SIAH3: variants seen among roughly 807,000 people sequenced by gnomAD.
SIAH3 encodes the protein siah E3 ubiquitin protein ligase family member 3, also known as seven in absentia homolog 3.
SIAH3 carries 9 observed loss-of-function variants against 12.6 expected under a neutral mutation model. That is an observed-to-expected ratio of 0.72 (90% CI 0.43 to 1.25). SIAH3 has a LOEUF of 1.25. Ranked by LOEUF, SIAH3 falls within the 50% of genes most tolerant of loss-of-function variation. The pLI is 0.00. For missense variants in SIAH3, 390 were observed against 365.4 expected, an observed-to-expected ratio of 1.07 and a Z score of -0.55; for synonymous variants, 154 against 151.1, an observed-to-expected ratio of 1.02 and a Z score of -0.14.
At chr13:45,784,128 T>C in intron 1 of SIAH3, 71 bp from the exon 2 acceptor site, 1 of 1,412,642 alleles carries the variant, frequency 7.1e-7, no homozygotes, top group Non-Finnish European at 9.6e-7. Flanking sequence ...CCCCTGATGT[T>C]CAAAGTGTTA....
chr13:45,825,906 A>C (rs1037681862), intron 1 of SIAH3, among the ~76,000 whole-genome samples: 8 of 152,064 alleles, frequency 5.3e-5, no homozygotes, highest in African/African-American at 1.9e-4. Flanking sequence ...TCCCCTGACC[A>C]TGAAGACCAA....
intron 1 of SIAH3, among the ~76,000 whole-genome samples, chr13:45,789,410 A>ATCTATCTATCTG (rs1846215272): frequency 2.8e-5 from 4 of 142,650 alleles, no homozygotes; most frequent in African/African-American, 1.0e-4. Flanking sequence ...CTATCTATCT[A>ATCTATCTATCTG]TCTATCTATA....
intron 1 of SIAH3, among the ~76,000 whole-genome samples, chr13:45,829,540 TC>T (rs1950691066): frequency 6.6e-6 from 1 of 152,102 alleles, no homozygotes; most frequent in African/African-American, 2.4e-5. Context: ...GCCCAAAAGG[TC>T]AAGGCTGCAG....
rs1458040044 is a variant in SIAH3, at chr13:45,781,483, C to G, written c.*1900G>C. The G allele has an allele frequency of 6.6e-6, 1 of 152,220 alleles. No homozygotes were observed. Among genetic ancestry groups the G allele is most frequent in the Non-Finnish European group, 1.5e-5 (1 of 68,064 alleles). The allele number at this position is 152,220 out of a possible 1,614,324, so 9.4% of individuals were successfully genotyped here. A position where few individuals can be genotyped will look rare whatever the true frequency, so the allele number is the denominator to read the frequency against. On this transcript the variant is annotated 3_prime_UTR_variant, in exon 2 of 2. Coordinates refer to ENST00000400405, the MANE Select transcript of SIAH3 (RefSeq NM_198849.3). ...CATCTGTGTGATTGGAGGAGGGTGGCTGGTGCCCTGGCAGGGCATCTGAGA... is the reference window on the plus strand; with the variant it reads ...CATCTGTGTGATTGGAGGAGGGTGGGTGGTGCCCTGGCAGGGCATCTGAGA...
intron 1 of SIAH3, among the ~76,000 whole-genome samples, chr13:45,801,095 C>CA (rs143126909): frequency 2.6e-5 from 3 of 114,192 alleles, no homozygotes; most frequent in Admixed American, 2.5e-4. Flanking sequence ...TGATGGGTGG[C>CA]GGGGGGGGGC....
rs1261218129 is a variant in SIAH3, at chr13:45,777,803, A to G, written c.*5580T>C. ...CATGATCCCTTCCCCTTTCCCTTAG[A>G]AATGCATCCAAGTAGAAACTTCAGC... On this transcript the variant is annotated 3_prime_UTR_variant, in exon 2 of 2. Coordinates refer to ENST00000400405, the MANE Select transcript of SIAH3 (RefSeq NM_198849.3). The G allele has an allele frequency of 2.0e-5, 3 of 152,218 alleles. No homozygotes were observed. The highest frequency in any genetic ancestry group is 6.5e-5 in the Admixed American group (1 of 15,282). The allele number at this position is 152,218 out of a possible 1,614,324, so 9.4% of individuals were successfully genotyped here. A position where few individuals can be genotyped will look rare whatever the true frequency, so the allele number is the denominator to read the frequency against.
At chr13:45,831,364 G>A (rs536803092) in intron 1 of SIAH3, among the ~76,000 whole-genome samples, 26 of 152,244 alleles carry the variant, frequency 1.7e-4, no homozygotes, top group Middle Eastern at 3.4e-3. Context: ...TCCAGGAATT[G>A]AGGGAGGCAC....
chr13:45,792,186 A>G (rs933398714), intron 1 of SIAH3, among the ~76,000 whole-genome samples: 2 of 152,034 alleles, frequency 1.3e-5, no homozygotes, highest in Admixed American at 6.6e-5. Flanking sequence ...GGTATGGCCA[A>G]TGGGTGACTA....
intron 1 of SIAH3, among the ~76,000 whole-genome samples, chr13:45,836,866 G>A (rs1329338246): frequency 6.6e-6 from 1 of 152,208 alleles, no homozygotes; most frequent in East Asian, 1.9e-4. Flanking sequence ...GTCCCCAGTT[G>A]CCTGTAATAT....
At chr13:45,787,213 G>A (rs1334783771) in intron 1 of SIAH3, among the ~76,000 whole-genome samples, 1 of 152,144 alleles carries the variant, frequency 6.6e-6, no homozygotes, top group African/African-American at 2.4e-5. Context: ...GCATGCAAAT[G>A]TCTCCATTCC....
intron 1 of SIAH3, among the ~76,000 whole-genome samples, chr13:45,791,166 GAA>G (rs57326384): frequency 2.1e-5 from 3 of 141,006 alleles, no homozygotes; most frequent in East Asian, 2.0e-4. Context: ...CTGTCTCAAA[GAA>G]AAAAAAAAAG....
chr13:45,832,929 T>A (rs1950704767), intron 1 of SIAH3, among the ~76,000 whole-genome samples: 1 of 152,236 alleles, frequency 6.6e-6, no homozygotes, highest in African/African-American at 2.4e-5. Flanking sequence ...GTTGGCAATC[T>A]GAAGAGTCTT....
At chr13:45,819,376 A>G (rs1420816256) in intron 1 of SIAH3, among the ~76,000 whole-genome samples, 1 of 152,192 alleles carries the variant, frequency 6.6e-6, no homozygotes, top group Non-Finnish European at 1.5e-5. Flanking sequence ...CCATTCACAG[A>G]GCCAGGAGGC....
intron 1 of SIAH3, among the ~76,000 whole-genome samples, chr13:45,804,962 T>TC (rs1950593689): frequency 8.7e-6 from 1 of 114,436 alleles, no homozygotes; most frequent in South Asian, 3.1e-4. Context: ...ATCCCATTTA[T>TC]AACACACACA....
chr13:45,821,009 C>T (rs1036018231), intron 1 of SIAH3, among the ~76,000 whole-genome samples: 1 of 152,180 alleles, frequency 6.6e-6, no homozygotes, highest in South Asian at 2.1e-4. Context: ...ATATGAGTAC[C>T]ATTATGGGTT....
At chr13:45,837,010 C>T (rs145873519) in intron 1 of SIAH3, among the ~76,000 whole-genome samples, 8 of 152,268 alleles carry the variant, frequency 5.3e-5, no homozygotes, top group Admixed American at 6.5e-5. Context: ...AGACATCTGC[C>T]GCCCTAGTGC....
rs1030589412 is a variant in SIAH3, at chr13:45,829,069, A to T, written c.135+22426T>A. On this transcript the variant is annotated intron_variant, in intron 1 of 1. Transcript: ENST00000400405. Reference sequence around the variant, plus strand: ...AATCTAGAATTACCGCTGATTAAGCACCAAGACCTTTCATCAACACCACAG... The same window carrying T: ...AATCTAGAATTACCGCTGATTAAGCTCCAAGACCTTTCATCAACACCACAG... Among the ~76,000 whole-genome samples the T allele has an allele frequency of 3.3e-5, 5 of 152,248 alleles. No homozygotes were observed. The South Asian group carries it at 6.2e-4, about 19-fold the overall frequency.
intron 1 of SIAH3, among the ~76,000 whole-genome samples, chr13:45,802,975 G>C (rs1026113125): frequency 6.6e-6 from 1 of 152,128 alleles, no homozygotes; most frequent in East Asian, 1.9e-4. Flanking sequence ...AAGAGGTTGA[G>C]GCAGGAGAAT....
chr13:45,804,242 T>C (rs563045663), intron 1 of SIAH3, among the ~76,000 whole-genome samples: 43 of 152,138 alleles, frequency 2.8e-4, no homozygotes, highest in Non-Finnish European at 5.0e-4. Context: ...ATGTGTTTAA[T>C]ATTAATATAT....
Sources: gnomAD v4.1 joint callset for allele counts (sites outside exome capture counted in the v4.1 genomes callset) on GRCh38, gnomAD v4.1.1 for gene constraint, MANE v1.5 for transcripts, NCBI Gene and HGNC (gene_info 2026-07-23, HGNC 2026-07-21) for gene names.